The following CDH13 variants were observed in gnomAD, a reference collection of about 807,000 sequenced individuals.
CDH13 encodes cadherin 13, also known as cadherin-13.
In CDH13, 24 loss-of-function variants were observed where a neutral mutation model predicts 63.8. That is an observed-to-expected ratio of 0.38 (90% CI 0.27 to 0.53). The LOEUF is 0.53. Among genes scored for constraint, CDH13 ranks in the 20% least tolerant of loss-of-function variants. CDH13 has a pLI of 0.85. For missense variants in CDH13, 1,049 were observed against 903.1 expected (o/e 1.16, Z -2.07); for synonymous variants, 503 against 355.3 (o/e 1.42, Z -4.67).
At chr16:82,897,096 C>T (rs1342752334) in intron 2 of CDH13, among the ~76,000 whole-genome samples, 1 of 152,016 alleles carries the variant, frequency 6.6e-6, no homozygotes, top group Non-Finnish European at 1.5e-5. Context: ...CTGTGCAATT[C>T]TAAAGAATTC....
chr16:83,470,634 G>C (rs972666786), intron 6 of CDH13, among the ~76,000 whole-genome samples: 9 of 152,060 alleles, frequency 5.9e-5, no homozygotes, highest in African/African-American at 2.2e-4. Flanking sequence ...GGGAGAATCT[G>C]ATTCTTCTAC....
At chr16:82,895,037 C>A (rs940110274) in intron 2 of CDH13, among the ~76,000 whole-genome samples, 1 of 152,164 alleles carries the variant, frequency 6.6e-6, no homozygotes, top group South Asian at 2.1e-4. Flanking sequence ...TGTTTTCCTT[C>A]TTCCTGTCAA....
intron 1 of CDH13, chr16:82,773,634 C>G (rs2035359887): frequency 6.6e-6 from 1 of 152,150 alleles, no homozygotes; most frequent in African/African-American, 2.4e-5. Context: ...ATATTTTCCT[C>G]TATGTATGTA....
chr16:82,733,672 G>A (rs2033519881), intron 1 of CDH13, among the ~76,000 whole-genome samples: 1 of 152,206 alleles, frequency 6.6e-6, no homozygotes, highest in Non-Finnish European at 1.5e-5. Flanking sequence ...AGGTGACTGA[G>A]CTGGGGTTTA....
intron 1 of CDH13, among the ~76,000 whole-genome samples, chr16:82,821,604 G>C (rs899624860): frequency 6.6e-6 from 1 of 152,214 alleles, no homozygotes; most frequent in African/African-American, 2.4e-5. Flanking sequence ...GACTACAAGG[G>C]AAGAAAGACT....
chr16:83,608,054 G>C (rs538885572), intron 8 of CDH13, among the ~76,000 whole-genome samples: 156 of 152,246 alleles, frequency 1.0e-3, no homozygotes, highest in African/African-American at 3.3e-3. Flanking sequence ...GTGTTTGCAA[G>C]TGATTATAAA....
At chr16:82,671,647 C>A (rs12930254) in intron 1 of CDH13, among the ~76,000 whole-genome samples, 5 of 152,034 alleles carry the variant, frequency 3.3e-5, no homozygotes, top group Non-Finnish European at 2.9e-5. Flanking sequence ...GTCTTTTGCC[C>A]AGATAGTGAT....
chr16:82,893,808 C>T (rs748757459), intron 2 of CDH13, among the ~76,000 whole-genome samples: 21 of 152,136 alleles, frequency 1.4e-4, no homozygotes, highest in Non-Finnish European at 2.5e-4. Context: ...CTCTGCATCT[C>T]GAGACACTTG....
chr16:82,680,543 A>T (rs1395778450), intron 1 of CDH13, among the ~76,000 whole-genome samples: 4 of 152,130 alleles, frequency 2.6e-5, no homozygotes, highest in African/African-American at 9.7e-5. Context: ...AAAGTTATGA[A>T]TATATATACT....
At chr16:83,432,394 A>G (rs1312718149) in intron 6 of CDH13, among the ~76,000 whole-genome samples, 1 of 152,176 alleles carries the variant, frequency 6.6e-6, no homozygotes, top group African/African-American at 2.4e-5. Flanking sequence ...CAGATGAGGA[A>G]ACTGAGGCCA....
intron 5 of CDH13, among the ~76,000 whole-genome samples, chr16:83,282,993 T>C (rs1223051949): frequency 1.3e-5 from 2 of 152,236 alleles, no homozygotes; most frequent in Admixed American, 1.3e-4. Context: ...ATTAATTCTG[T>C]TCTTCACTCC....
intron 1 of CDH13, among the ~76,000 whole-genome samples, chr16:82,785,210 A>G (rs1318416742): frequency 6.6e-6 from 1 of 152,172 alleles, no homozygotes; most frequent in Non-Finnish European, 1.5e-5. Context: ...AGGGGAAGAC[A>G]TGAGACTCTC....
intron 7 of CDH13, among the ~76,000 whole-genome samples, chr16:83,564,396 C>CTGTTTTTTTTT (rs1567767607): frequency 8.0e-5 from 4 of 49,850 alleles, no homozygotes; most frequent in Non-Finnish European, 6.6e-5. Context: ...TATGGGATGA[C>CTGTTTTTTTTT]TCTTTTTTTT....
At position 83,647,839 on chromosome 16, in the gene CDH13, C is replaced by G. The variant is rs75073225; in HGVS notation, c.1102-22951C>G. On this transcript the variant is annotated intron_variant, in intron 8 of 13. Transcript: ENST00000567109. ...CCAGGAGTCTCCTTGACTGGTCAGT[C>G]CTACCTGGGTCCAGAAAGTTGATAG... 3.6e-3 allele frequency among the ~76,000 whole-genome samples: 549 copies of G among 152,220 alleles called. 8 individuals are homozygous for G. The highest frequency in any genetic ancestry group is 0.013 in the African/African-American group (528 of 41,540).
intron 3 of CDH13, among the ~76,000 whole-genome samples, chr16:83,058,683 A>G (rs2031208565): frequency 6.6e-6 from 1 of 152,158 alleles, no homozygotes; most frequent in Non-Finnish European, 1.5e-5. Context: ...AAATAGAACT[A>G]AATATTTAGG....
intron 1 of CDH13, among the ~76,000 whole-genome samples, chr16:82,790,299 G>T (rs1275173946): frequency 6.6e-6 from 1 of 152,070 alleles, no homozygotes; most frequent in African/African-American, 2.4e-5. Context: ...GCTGGGCATG[G>T]TGGTGTGCAC....
chr16:83,445,200 C>T (rs2072641113), intron 6 of CDH13, among the ~76,000 whole-genome samples: 1 of 111,622 alleles, frequency 9.0e-6, no homozygotes, highest in African/African-American at 2.7e-5. Flanking sequence ...ATAGTTTTCC[C>T]ATTTTGCAGC....
At chr16:83,621,366 G>T (rs1474402358) in intron 8 of CDH13, among the ~76,000 whole-genome samples, 1 of 151,070 alleles carries the variant, frequency 6.6e-6, no homozygotes, top group Admixed American at 6.6e-5. Flanking sequence ...TTACACTTGT[G>T]CACCAAGGGT....
intron 11 of CDH13, 93 bp from the exon 12 acceptor site, chr16:83,779,875 C>T (rs771584527): frequency 2.4e-6 from 2 of 830,062 alleles, no homozygotes; most frequent in African/African-American, 1.7e-5. Context: ...AAAATAACTG[C>T]AAAATATACT....
Sources: allele counts gnomAD v4.1 joint callset (sites outside exome capture counted in the v4.1 genomes callset), GRCh38; gene constraint gnomAD v4.1.1; transcripts MANE v1.5; gene names NCBI Gene and HGNC (gene_info 2026-07-23, HGNC 2026-07-21).